The following AGPS variants were observed in gnomAD, a reference collection of about 807,000 sequenced individuals.
AGPS encodes alkyldihydroxyacetonephosphate synthase, peroxisomal.
A neutral mutation model predicts 90.7 loss-of-function variants in AGPS; 26 were observed. That is an observed-to-expected ratio of 0.29 (90% CI 0.21 to 0.40). AGPS has a LOEUF of 0.40. AGPS is among the 10% of genes least tolerant of loss of function. AGPS has a pLI of 1.00. For synonymous variants in AGPS, 294 were observed against 285.3 expected, an observed-to-expected ratio of 1.03 and a Z score of -0.31; for missense variants, 540 against 816.1, an observed-to-expected ratio of 0.66 and a Z score of 4.12.
At chr2:177,450,344 A>C (rs1300643480) in intron 8 of AGPS, among the ~76,000 whole-genome samples, 3 of 152,124 alleles carry the variant, frequency 2.0e-5, no homozygotes, top group Non-Finnish European at 4.4e-5. Flanking sequence ...TTGTCTTTCT[A>C]TCATGCTTCT....
At chr2:177,455,542 C>A (rs1355316963) in intron 8 of AGPS, among the ~76,000 whole-genome samples, 4 of 152,078 alleles carry the variant, frequency 2.6e-5, no homozygotes, top group African/African-American at 9.7e-5. Context: ...GATCTTCCTG[C>A]CTCAGCCTCC....
At chr2:177,466,852 T>C (rs1397866664) in intron 9 of AGPS, among the ~76,000 whole-genome samples, 1 of 151,954 alleles carries the variant, frequency 6.6e-6, no homozygotes, top group East Asian at 1.9e-4. Context: ...TGCCTGGGTC[T>C]GCAGCCACAG....
chr2:177,500,860 A>G (rs961743362), intron 14 of AGPS, among the ~76,000 whole-genome samples: 1 of 152,134 alleles, frequency 6.6e-6, no homozygotes, highest in African/African-American at 2.4e-5. Context: ...AATCCATGTA[A>G]TGACCAGATG....
intron 10 of AGPS, among the ~76,000 whole-genome samples, chr2:177,469,253 C>A (rs1012791682): frequency 6.6e-6 from 1 of 152,048 alleles, no homozygotes; most frequent in Non-Finnish European, 1.5e-5. Context: ...TCTACATTAA[C>A]AGAGGAGCTC....
At chr2:177,405,007 A>G (rs1685426856) in intron 1 of AGPS, among the ~76,000 whole-genome samples, 1 of 152,246 alleles carries the variant, frequency 6.6e-6, no homozygotes, top group Admixed American at 6.5e-5. Flanking sequence ...CTAAGAGTAC[A>G]GGGGTGCCAA....
intron 8 of AGPS, among the ~76,000 whole-genome samples, chr2:177,452,731 C>A (rs181137163): frequency 6.6e-6 from 1 of 151,722 alleles, no homozygotes; most frequent in Admixed American, 6.6e-5. Flanking sequence ...CTGTATTTCC[C>A]ATCTGTTTTT....
chr2:177,408,124 G>A (rs570334377), intron 1 of AGPS, among the ~76,000 whole-genome samples: 5 of 152,278 alleles, frequency 3.3e-5, no homozygotes, highest in African/African-American at 1.2e-4. Flanking sequence ...GCATTAGGAA[G>A]GAAGGTAAGA....
intron 10 of AGPS, 109 bp from the exon 11 acceptor site, chr2:177,481,950 A>C: frequency 9.3e-7 from 1 of 1,080,628 alleles, no homozygotes; most frequent in Non-Finnish European, 1.3e-6. Flanking sequence ...GGTAGACTTG[A>C]TAAATTTAAA....
intron 1 of AGPS, among the ~76,000 whole-genome samples, chr2:177,419,336 A>G (rs530077877): frequency 2.6e-5 from 4 of 152,052 alleles, no homozygotes; most frequent in African/African-American, 9.6e-5. Context: ...TCAAGATAGA[A>G]AAGGGTTTTT....
chr2:177,407,759 A>G (rs1685506219), intron 1 of AGPS, among the ~76,000 whole-genome samples: 1 of 151,844 alleles, frequency 6.6e-6, no homozygotes, highest in Non-Finnish European at 1.5e-5. Context: ...ACTCAGTGGC[A>G]ATAATGACAT....
rs919860731 is a variant in AGPS at position 177,407,300 on chromosome 2, A to C, written c.261-12969A>C. On this transcript the variant is annotated intron_variant, in intron 1 of 19. Transcript: ENST00000264167. ...AGTAATAAGAATAGAGTGCTAAAAT[A>C]GTTTCTATATTAGACCATTTTTGCA... is the stretch of plus-strand genomic sequence containing the variant. 2.6e-5 allele frequency among the ~76,000 whole-genome samples: 4 copies of C among 152,228 alleles called. No individual in the cohort carries two copies. In the South Asian group the frequency reaches 8.3e-4, roughly 31 times the overall value.
At chr2:177,526,195 T>A (rs2079086096) in intron 19 of AGPS, among the ~76,000 whole-genome samples, 1 of 151,106 alleles carries the variant, frequency 6.6e-6, no homozygotes, top group African/African-American at 2.4e-5. Flanking sequence ...CAATTCTTGA[T>A]CACAAAGCAA....
chr2:177,448,261 T>C (rs1005089799), intron 8 of AGPS, among the ~76,000 whole-genome samples: 9 of 152,174 alleles, frequency 5.9e-5, no homozygotes, highest in Admixed American at 5.9e-4. Context: ...TAATTCCTAC[T>C]TCGTGGGGTT....
chr2:177,521,303 T>C lies in AGPS; in HGVS notation c.1732T>C (p.Tyr578His). 6.2e-7 allele frequency: 1 copy of C among 1,614,152 alleles called. No individual in the cohort carries two copies. Among genetic ancestry groups the C allele is most frequent in the Middle Eastern group, 1.7e-4 (1 of 6,060 alleles). Residue 578 changes from tyrosine (Y) to histidine (H), a missense_variant, in exon 18 of 20, where the codon TAC (tyrosine) becomes CAC (histidine). This residue lies in a region of AGPS where 405 missense variants were observed against 692.1 expected (regional missense o/e 0.59). Transcript: ENST00000264167. Reference protein sequence around the residue: ...TQTYDAGACIYFYFAFNYRGI... With the variant: ...TQTYDAGACIHFYFAFNYRGI... ...GACTTACGATGCAGGTGCTTGTATC[T>C]ACTTCTATTTTGCCTTTAACTACAG...
At chr2:177,491,435 T>C (rs1379766032) in intron 11 of AGPS, among the ~76,000 whole-genome samples, 1 of 148,110 alleles carries the variant, frequency 6.8e-6, no homozygotes, top group Non-Finnish European at 1.5e-5. Context: ...ATTTCTTTTT[T>C]TTTTTTTTTT....
Position 177,392,945 on chromosome 2 carries a change from T to C in AGPS, c.156T>C (p.Ala52=). The C allele has an allele frequency of 6.5e-7, 1 of 1,550,004 alleles. No individual in the cohort carries two copies. Among genetic ancestry groups the C allele is most frequent in the East Asian group, 2.4e-5 (1 of 40,850 alleles). Reference sequence around the variant, plus strand: ...ATCTGCTGGGCCGGCCCCGGGAGGCTCTGAGTACCAATGAGTGCAAAGCGC... The same window carrying C: ...ATCTGCTGGGCCGGCCCCGGGAGGCCCTGAGTACCAATGAGTGCAAAGCGC... ...SGHLLGRPRE[A]LSTNECKARR... The change falls in exon 1 of 20, where the codon GCT becomes GCC. Residue 52 remains alanine, a synonymous_variant. Transcript: ENST00000264167.
At chr2:177,475,331 C>G (rs1489534250) in intron 10 of AGPS, among the ~76,000 whole-genome samples, 1 of 151,976 alleles carries the variant, frequency 6.6e-6, no homozygotes, top group East Asian at 1.9e-4. Context: ...GTAGATAATT[C>G]TGTGTTAGGG....
At chr2:177,431,301 ATAAAGATCACAAGGCAAAGGGCAAAG>A (rs956428459) in intron 2 of AGPS, among the ~76,000 whole-genome samples, 7 of 152,330 alleles carry the variant, frequency 4.6e-5, no homozygotes, top group Non-Finnish European at 1.0e-4. Flanking sequence ...TCAAAGGGCA[ATAAAGATCACAAGGCAAAGGGCAAAG>A]TAAAGATCAC....
At chr2:177,490,031 T>G (rs1348730790) in intron 11 of AGPS, among the ~76,000 whole-genome samples, 1 of 152,192 alleles carries the variant, frequency 6.6e-6, no homozygotes, top group Non-Finnish European at 1.5e-5. Flanking sequence ...TCTCTGACTT[T>G]TGAAGGCAAT....
Sources: gnomAD v4.1 joint callset for allele counts (sites outside exome capture counted in the v4.1 genomes callset) on GRCh38, gnomAD v4.1.1 for gene constraint, gnomAD v4.1.1 regional missense constraint, MANE v1.5 for transcripts, NCBI Gene and HGNC (gene_info 2026-07-23, HGNC 2026-07-21) for gene names.